CSMD1: variants seen among roughly 807,000 people sequenced by gnomAD.
CSMD1 encodes CUB and Sushi multiple domains 1.
In CSMD1, 213 loss-of-function variants were observed where a neutral mutation model predicts 417.5. The ratio of observed to expected loss-of-function variants is 0.51; its 90% CI spans 0.46 to 0.57. The LOEUF (loss-of-function observed/expected upper bound fraction) is 0.57, where lower values mean the gene tolerates loss of function less well. Ranked by LOEUF, CSMD1 falls within the 20% of genes least tolerant of loss-of-function variation. The probability of loss-of-function intolerance (pLI) is 0.00; values close to 1 mark genes in which losing one functional copy is unlikely to be tolerated. For synonymous variants in CSMD1, 2,862 were observed against 1,736.8 expected (o/e 1.65, Z -16.11); for missense variants, 6,923 against 4,529.7 (o/e 1.53, Z -15.17).
chr8:4,222,726 A>T (rs531941300), intron 3 of CSMD1, among the ~76,000 whole-genome samples: 3 of 152,146 alleles, frequency 2.0e-5, no homozygotes, highest in African/African-American at 7.2e-5. Context: ...GGTGATAAAA[A>T]GTGGTCAAAC....
chr8:4,014,571 A>G (rs530281815), intron 4 of CSMD1, among the ~76,000 whole-genome samples: 49 of 152,320 alleles, frequency 3.2e-4, no homozygotes, highest in African/African-American at 1.1e-3. Flanking sequence ...CACCTGGATC[A>G]TCTCATCTAA....
At chr8:4,648,978 G>A (rs1803711147) in intron 1 of CSMD1, among the ~76,000 whole-genome samples, 1 of 152,174 alleles carries the variant, frequency 6.6e-6, no homozygotes, top group South Asian at 2.1e-4. Flanking sequence ...CTAGGGCCCT[G>A]GAGTAGTGCC....
chr8:3,015,840 G>C (rs1464698603), intron 52 of CSMD1, among the ~76,000 whole-genome samples: 1 of 152,126 alleles, frequency 6.6e-6, no homozygotes, highest in Non-Finnish European at 1.5e-5. Flanking sequence ...ACTGATAGGC[G>C]AGAGCGTGTC....
At chr8:3,533,540 A>T (rs1306324295) in intron 10 of CSMD1, among the ~76,000 whole-genome samples, 1 of 152,150 alleles carries the variant, frequency 6.6e-6, no homozygotes, top group Non-Finnish European at 1.5e-5. Context: ...GACATCTCTC[A>T]CTACTATGTC....
At chr8:4,231,934 C>CT (rs1385948003) in intron 3 of CSMD1, among the ~76,000 whole-genome samples, 2 of 676 alleles carry the variant, frequency 3.0e-3, no homozygotes, top group Non-Finnish European at 0.013. Flanking sequence ...TATGTGTTTT[C>CT]CTTCTTCCTT....
Position 4,896,582 on chromosome 8 carries a change from T to C in CSMD1, c.85+97750A>G, listed in dbSNP as rs957347299. ...TAACCTTACACATACTGATTTAATA[T>C]TTAACCATGTTCATAAATTATCCAT... On this transcript the variant is annotated intron_variant, in intron 1 of 69. Transcript: ENST00000635120. Among the ~76,000 whole-genome samples, 7 of 152,110 alleles carry C rather than the reference T, an allele frequency of 4.6e-5. 1 individual carries two copies. Among genetic ancestry groups the C allele is most frequent in the African/African-American group, 1.7e-4 (7 of 41,366 alleles).
intron 5 of CSMD1, among the ~76,000 whole-genome samples, chr8:3,784,531 A>G (rs1399206206): frequency 6.6e-6 from 1 of 152,164 alleles, no homozygotes; most frequent in Non-Finnish European, 1.5e-5. Flanking sequence ...TTTCTAACAC[A>G]CCAACTGGTC....
chr8:4,330,767 C>G (rs1799825340), intron 3 of CSMD1, among the ~76,000 whole-genome samples: 1 of 152,070 alleles, frequency 6.6e-6, no homozygotes, highest in South Asian at 2.1e-4. Flanking sequence ...TGCGGCATCT[C>G]CTCCCTACTT....
chr8:3,720,655 A>ACC lies in CSMD1; in HGVS notation c.932-12166_932-12165dup, dbSNP rs35947425. On this transcript the variant is annotated intron_variant, in intron 6 of 69. Transcript: ENST00000635120. ...CACACACACACACACACACACACAC[A>ACC]CCAGCACATTTCTCCTTCATGACCC... is the stretch of plus-strand genomic sequence containing the variant. Among the ~76,000 whole-genome samples the ACC allele has an allele frequency of 4.3e-3, 637 of 148,918 alleles. 8 individuals are homozygous for ACC. The highest frequency in any genetic ancestry group is 0.015 in the African/African-American group (593 of 40,866).
chr8:4,953,131 A>G (rs7464624), intron 1 of CSMD1, among the ~76,000 whole-genome samples: 65,292 of 151,972 alleles, frequency 0.43, 14,689 homozygotes, highest in East Asian at 0.65. Context: ...ATTAACTCAA[A>G]TTAACTGAAT....
At chr8:3,922,329 G>C (rs896931331) in intron 5 of CSMD1, among the ~76,000 whole-genome samples, 26 of 151,572 alleles carry the variant, frequency 1.7e-4, no homozygotes, top group African/African-American at 6.3e-4. Flanking sequence ...TGTCAATTCA[G>C]TCACTCTGTC....
chr8:3,902,365 A>C (rs1019565375), intron 5 of CSMD1, among the ~76,000 whole-genome samples: 3 of 152,172 alleles, frequency 2.0e-5, no homozygotes, highest in African/African-American at 7.2e-5. Context: ...TGTTTACAAA[A>C]ACATGTGATC....
chr8:3,432,637 TC>T (rs1814287081), intron 12 of CSMD1, among the ~76,000 whole-genome samples: 1 of 151,774 alleles, frequency 6.6e-6, no homozygotes, highest in Non-Finnish European at 1.5e-5. Context: ...TGCCTCAGCT[TC>T]CTGAGTAGCT....
At chr8:3,571,706 T>C (rs904100349) in intron 10 of CSMD1, among the ~76,000 whole-genome samples, 9 of 151,990 alleles carry the variant, frequency 5.9e-5, no homozygotes, top group Non-Finnish European at 1.3e-4. Context: ...TTGAGGGTCT[T>C]GTGTTCCTCC....
At chr8:4,068,574 A>C (rs1358443057) in intron 3 of CSMD1, among the ~76,000 whole-genome samples, 1 of 152,228 alleles carries the variant, frequency 6.6e-6, no homozygotes, top group Non-Finnish European at 1.5e-5. Context: ...GGACCTTCTC[A>C]AATGAGGTGT....
intron 5 of CSMD1, among the ~76,000 whole-genome samples, chr8:3,804,019 C>T (rs1462136185): frequency 6.6e-6 from 1 of 152,092 alleles, no homozygotes; most frequent in African/African-American, 2.4e-5. Flanking sequence ...CCTCCACCTC[C>T]TGAGTTCAAG....
intron 1 of CSMD1, among the ~76,000 whole-genome samples, chr8:4,870,619 G>C (rs966591040): frequency 1.3e-5 from 2 of 152,190 alleles, no homozygotes; most frequent in African/African-American, 4.8e-5. Flanking sequence ...TACTTTATTA[G>C]GAGGTAAAAT....
rs1384198120 is a variant in CSMD1, at chr8:3,411,697, C to G, written c.1562-2092G>C. On this transcript the variant is annotated intron_variant, in intron 12 of 69. Transcript: ENST00000635120. The stretch of plus-strand genomic sequence containing the variant: ...GTATATATACGTGTATATATACACA[C>G]GTATATATACACGTATATATACACG... 1.1e-4 allele frequency among the ~76,000 whole-genome samples: 13 copies of G among 119,658 alleles called. 2 individuals carry two copies. In the East Asian group the frequency reaches 1.5e-3, roughly 14 times the overall value. 78.5% of individuals were successfully genotyped at this position (119,658 alleles called of 152,430 possible). A position where few individuals can be genotyped will look rare whatever the true frequency, so the allele number is the denominator to read the frequency against.
chr8:4,385,945 G>T (rs4360311), intron 3 of CSMD1, among the ~76,000 whole-genome samples: 1 of 152,012 alleles, frequency 6.6e-6, no homozygotes, highest in Non-Finnish European at 1.5e-5. Flanking sequence ...TCAACATTCA[G>T]ATACCCAACC....
Sources: allele counts gnomAD v4.1 joint callset (sites outside exome capture counted in the v4.1 genomes callset), GRCh38; gene constraint gnomAD v4.1.1; transcripts MANE v1.5; gene names NCBI Gene and HGNC (gene_info 2026-07-23, HGNC 2026-07-21).